PAG1: variants seen among roughly 807,000 people sequenced by gnomAD.
PAG1 encodes phosphoprotein associated with glycosphingolipid-enriched microdomains 1.
In PAG1, 23 loss-of-function variants were observed where a neutral mutation model predicts 31.7. The observed-to-expected ratio is 0.73, with a 90% CI of 0.52 to 1.03. The LOEUF (loss-of-function observed/expected upper bound fraction) is 1.03, where lower values mean the gene tolerates loss of function less well. Among genes scored for constraint, PAG1 ranks in the 50% least tolerant of loss-of-function variants. The probability of loss-of-function intolerance (pLI) is 0.00; values close to 1 mark genes in which losing one functional copy is unlikely to be tolerated. For synonymous variants in PAG1, 214 were observed against 210.3 expected (o/e 1.02, Z -0.15); for missense variants, 473 against 540.7 (o/e 0.87, Z 1.24).
chr8:80,993,357 G>T, intron 3 of PAG1, 50 bp from the exon 4 acceptor site: 1 of 955,222 alleles, frequency 1.0e-6, no homozygotes, highest in Non-Finnish European at 1.5e-6. Flanking sequence ...TAAAGTGGCA[G>T]AATCTGTAAT....
intron 1 of PAG1, among the ~76,000 whole-genome samples, chr8:81,110,467 G>A (rs1211808669): frequency 1.3e-5 from 2 of 152,074 alleles, no homozygotes; most frequent in African/African-American, 2.4e-5. Context: ...GGAATCTCTC[G>A]GGAACAGCTG....
intron 1 of PAG1, among the ~76,000 whole-genome samples, chr8:81,088,050 T>G (rs927238759): frequency 6.6e-6 from 1 of 152,152 alleles, no homozygotes; most frequent in Non-Finnish European, 1.5e-5. Flanking sequence ...ATTACCTCAT[T>G]TTTTTCCCCA....
chr8:81,057,891 T>G (rs149471831), intron 2 of PAG1, among the ~76,000 whole-genome samples: 177 of 152,274 alleles, frequency 1.2e-3, no homozygotes, highest in Admixed American at 2.0e-3. Flanking sequence ...TATATATAAA[T>G]CCTTTGGTAG....
chr8:80,997,988 T>C (rs1236488965), intron 3 of PAG1, among the ~76,000 whole-genome samples: 1 of 152,222 alleles, frequency 6.6e-6, no homozygotes, highest in Non-Finnish European at 1.5e-5. Context: ...TGGGGATTCT[T>C]TCAAAGATTT....
chr8:80,999,749 T>C (rs1807750945), intron 3 of PAG1, among the ~76,000 whole-genome samples: 1 of 152,200 alleles, frequency 6.6e-6, no homozygotes, highest in South Asian at 2.1e-4. Context: ...AGAAATAATA[T>C]AGTTTATTGT....
chr8:81,082,480 G>T (rs778842901), intron 1 of PAG1, among the ~76,000 whole-genome samples: 1 of 152,056 alleles, frequency 6.6e-6, no homozygotes, highest in East Asian at 1.9e-4. Flanking sequence ...CAAGTCTTCA[G>T]CTATGATTGC....
rs1214919344 is a variant in PAG1, at chr8:81,111,706, G to A, written c.-349C>T. Reference sequence around the variant, plus strand: ...AGCCCGGCAGCAGCGGCAAGTGCAGGACCAGGCGCCGCCGCTCTGCACCAG... The same window carrying A: ...AGCCCGGCAGCAGCGGCAAGTGCAGAACCAGGCGCCGCCGCTCTGCACCAG... On this transcript the variant is annotated 5_prime_UTR_variant, in exon 1 of 9. Coordinates refer to ENST00000220597, the MANE Select transcript of PAG1 (RefSeq NM_018440.4). 1 of 152,276 alleles carries A rather than the reference G, an allele frequency of 6.6e-6. No homozygotes were observed. The highest frequency in any genetic ancestry group is 2.4e-5 in the African/African-American group (1 of 41,458). The allele number at this position is 152,276 out of a possible 1,614,324, so 9.4% of individuals were successfully genotyped here.
intron 5 of PAG1, among the ~76,000 whole-genome samples, chr8:80,988,239 C>T (rs1159924049): frequency 6.6e-6 from 1 of 152,272 alleles, no homozygotes; most frequent in East Asian, 1.9e-4. Context: ...CTCATCCTTA[C>T]AACACAGGTG....
chr8:81,063,645 A>G (rs988164364), intron 2 of PAG1, among the ~76,000 whole-genome samples: 1 of 152,106 alleles, frequency 6.6e-6, no homozygotes, highest in African/African-American at 2.4e-5. Flanking sequence ...TGAAAGTATC[A>G]CTCCATTAAT....
intron 3 of PAG1, among the ~76,000 whole-genome samples, chr8:81,028,984 A>G (rs1808331531): frequency 6.6e-6 from 1 of 152,226 alleles, no homozygotes; most frequent in Non-Finnish European, 1.5e-5. Flanking sequence ...GGTAGTATCA[A>G]CCATATCATA....
At chr8:81,073,207 C>T (rs1368813819) in intron 1 of PAG1, among the ~76,000 whole-genome samples, 1 of 152,196 alleles carries the variant, frequency 6.6e-6, no homozygotes, top group African/African-American at 2.4e-5. Context: ...TTTCCTCAAA[C>T]CACAGCGAAT....
rs1421647630 is a variant in PAG1 at position 81,096,844 on chromosome 8, G to A, written c.-234+14747C>T. Among the ~76,000 whole-genome samples the A allele has an allele frequency of 2.6e-5, 4 of 152,206 alleles. No homozygotes were observed. In the East Asian group the frequency reaches 7.7e-4, roughly 29 times the overall value. On this transcript the variant is annotated intron_variant, in intron 1 of 8. Transcript: ENST00000220597. ...TGGAATGGTTTCTGGCCTGCTGGGG[G>A]CACAAGGCTGTCAGGAATTTACTGA... is the stretch of plus-strand genomic sequence containing the variant.
intron 8 of PAG1, 152 bp downstream of exon 8, chr8:80,980,283 A>G: frequency 1.7e-6 from 1 of 588,122 alleles, no homozygotes; most frequent in Non-Finnish European, 3.0e-6. Flanking sequence ...CCAAGCCATT[A>G]TAAAACCAGC....
At chr8:81,107,555 G>T (rs957861161) in intron 1 of PAG1, among the ~76,000 whole-genome samples, 5 of 152,162 alleles carry the variant, frequency 3.3e-5, no homozygotes, top group Admixed American at 2.6e-4. Context: ...CTAGGCCTCA[G>T]TTGTCACTTC....
At chr8:81,037,664 CTAAT>C (rs1808483314) in intron 2 of PAG1, among the ~76,000 whole-genome samples, 1 of 152,174 alleles carries the variant, frequency 6.6e-6, no homozygotes, top group African/African-American at 2.4e-5. Context: ...ATTGACTCCT[CTAAT>C]TATTAGCTTA....
At chr8:81,100,346 C>T (rs182205855) in intron 1 of PAG1, among the ~76,000 whole-genome samples, 13 of 152,274 alleles carry the variant, frequency 8.5e-5, no homozygotes, top group African/African-American at 2.2e-4. Context: ...TTTTCGTTTG[C>T]GTAAAAAATA....
intron 1 of PAG1, among the ~76,000 whole-genome samples, chr8:81,103,310 A>G (rs1323363197): frequency 2.0e-5 from 3 of 152,290 alleles, no homozygotes; most frequent in Admixed American, 1.3e-4. Flanking sequence ...CTTAAACATA[A>G]CACCCCCTAA....
Position 80,991,510 on chromosome 8 carries a change from T to C in PAG1, c.146A>G (p.His49Arg), listed in dbSNP as rs752119250. The C allele has an allele frequency of 3.1e-6, 5 of 1,613,712 alleles. 1 individual carries two copies. The highest frequency in any genetic ancestry group is 3.3e-4 in the Middle Eastern group (2 of 6,084). Residue 49 changes from histidine (H) to arginine (R), a missense_variant, in exon 5 of 9, where the codon CAT (histidine) becomes CGT (arginine). Coordinates refer to ENST00000220597, the MANE Select transcript of PAG1 (RefSeq NM_018440.4). ...SCDREKKPRQ[H>R]SGDHENLMNV... Reference sequence around the variant, plus strand: ...CATCAGGTTCTCATGGTCCCCACTATGCTGTCGCGGCTTCTTTTCCCTGAA... The same window carrying C: ...CATCAGGTTCTCATGGTCCCCACTACGCTGTCGCGGCTTCTTTTCCCTGAA...
At chr8:81,084,203 A>G (rs1809315375) in intron 1 of PAG1, among the ~76,000 whole-genome samples, 1 of 152,168 alleles carries the variant, frequency 6.6e-6, no homozygotes, top group South Asian at 2.1e-4. Context: ...AACAATGTCT[A>G]GGAATTTTAG....
Sources: allele counts gnomAD v4.1 joint callset (sites outside exome capture counted in the v4.1 genomes callset), GRCh38; gene constraint gnomAD v4.1.1; transcripts MANE v1.5; gene names NCBI Gene and HGNC (gene_info 2026-07-23, HGNC 2026-07-21).